Variants in FRMD4A observed in about 807,000 individuals in gnomAD.
FRMD4A encodes the protein FERM domain-containing protein 4A.
A neutral mutation model predicts 129.1 loss-of-function variants in FRMD4A; 29 were observed. That is an observed-to-expected ratio of 0.22 (90% CI 0.17 to 0.31). The LOEUF (loss-of-function observed/expected upper bound fraction) is 0.31, where lower values mean the gene tolerates loss of function less well. FRMD4A is among the 10% of genes least tolerant of loss of function. The probability of loss-of-function intolerance (pLI) is 1.00; values close to 1 mark genes in which losing one functional copy is unlikely to be tolerated. For synonymous variants in FRMD4A, 634 were observed against 571.6 expected, an observed-to-expected ratio of 1.11 and a Z score of -1.56; for missense variants, 1,272 against 1,375.8, an observed-to-expected ratio of 0.92 and a Z score of 1.19.
At chr10:13,936,800 T>G (rs2095252588) in intron 2 of FRMD4A, among the ~76,000 whole-genome samples, 1 of 152,222 alleles carries the variant, frequency 6.6e-6, no homozygotes, top group South Asian at 2.1e-4. Context: ...ATGCTTGGGT[T>G]GCTTTGTGTC....
intron 3 of FRMD4A, among the ~76,000 whole-genome samples, chr10:13,833,369 A>G (rs1043825585): frequency 6.6e-6 from 1 of 152,226 alleles, no homozygotes; most frequent in Non-Finnish European, 1.5e-5. Context: ...CCATGAGAAC[A>G]GTATGGGGGA....
At chr10:13,707,359 GTTCTT>G (rs2087565276) in intron 12 of FRMD4A, 4 of 1,206,966 alleles carry the variant, frequency 3.3e-6, no homozygotes, top group Non-Finnish European at 2.1e-6. Flanking sequence ...AACAAAACAA[GTTCTT>G]TTCAAGTTCT....
At chr10:13,916,964 G>A (rs2698115) in intron 2 of FRMD4A, among the ~76,000 whole-genome samples, 120,333 of 152,206 alleles carry the variant, frequency 0.79, 47,771 homozygotes, top group East Asian at 0.92. Flanking sequence ...AATCTGCTTT[G>A]AGGTTTTATA....
rs182133053 is a variant in FRMD4A, at chr10:13,839,159, C to G, written c.111+19688G>C. Reference sequence around the variant, plus strand: ...TACAGGTGCATGCCACCACACCTAGCTAATTAAAATTTTTGTTTGTTTGTT... The same window carrying G: ...TACAGGTGCATGCCACCACACCTAGGTAATTAAAATTTTTGTTTGTTTGTT... On this transcript the variant is annotated intron_variant, in intron 3 of 24. Coordinates refer to ENST00000357447, the MANE Select transcript of FRMD4A (RefSeq NM_018027.5). 8.8e-4 allele frequency among the ~76,000 whole-genome samples: 134 copies of G among 152,004 alleles called. 1 individual carries two copies. The highest frequency in any genetic ancestry group is 3.1e-3 in the African/African-American group (129 of 41,452).
Position 14,058,787 on chromosome 10 carries a change from G to C in FRMD4A, c.46-199875C>G, listed in dbSNP as rs574646422. Among the ~76,000 whole-genome samples the C allele has an allele frequency of 2.0e-5, 3 of 152,272 alleles. No homozygotes were observed. The South Asian group carries it at 6.2e-4, about 32-fold the overall frequency. On this transcript the variant is annotated intron_variant, in intron 2 of 24. Transcript: ENST00000357447. ...CCGGTGACTACAGGGTCTCCAAAGA[G>C]CTGATTGGCTGGGCATGATTACACA...
intron 2 of FRMD4A, among the ~76,000 whole-genome samples, chr10:14,084,410 G>A (rs1301799302): frequency 6.6e-6 from 1 of 152,216 alleles, no homozygotes; most frequent in Non-Finnish European, 1.5e-5. Context: ...GCCCCCCAAA[G>A]TGCTGGGATT....
chr10:14,033,906 A>G (rs1376280530), intron 2 of FRMD4A, among the ~76,000 whole-genome samples: 2 of 152,132 alleles, frequency 1.3e-5, no homozygotes, highest in Non-Finnish European at 2.9e-5. Context: ...GACACCATGG[A>G]ATGCTACACA....
chr10:14,265,707 A>T (rs1273438754), intron 2 of FRMD4A, among the ~76,000 whole-genome samples: 2 of 152,350 alleles, frequency 1.3e-5, no homozygotes, highest in East Asian at 3.9e-4. Context: ...GTTCTAGGTC[A>T]TAGGATGCAG....
chr10:13,666,291 G>A lies in FRMD4A; in HGVS notation c.1409C>T (p.Ala470Val). 2 of 1,613,978 alleles carry A rather than the reference G, an allele frequency of 1.2e-6. No homozygotes were observed. The highest frequency in any genetic ancestry group is 2.7e-5 in the African/African-American group (2 of 75,026). Residue 470 changes from alanine (A) to valine (V), a missense_variant, in exon 18 of 25, where the codon GCC becomes GTC. By Grantham distance (64) the Ala-to-Val change is moderately conservative. Around this residue, in one of 2 missense-constraint regions of FRMD4A, gnomAD observed 972 missense variants for 892.3 expected, o/e 1.09. Coordinates refer to ENST00000357447, the MANE Select transcript of FRMD4A (RefSeq NM_018027.5). ...GGCCTCCGTAATCTGGGACTGAATG[G>A]CAAACTCTCGTTCCAGGCGTTCCAG... Reference protein sequence around the residue: ...AELERLEREFAIQSQITEAAR... With the variant: ...AELERLEREFVIQSQITEAAR...
At chr10:14,150,292 C>T (rs995645182) in intron 2 of FRMD4A, among the ~76,000 whole-genome samples, 4 of 152,170 alleles carry the variant, frequency 2.6e-5, no homozygotes, top group African/African-American at 4.8e-5. Flanking sequence ...CAGAGAAGTG[C>T]ATATTTCATA....
chr10:14,112,640 C>G (rs994788719), intron 2 of FRMD4A, among the ~76,000 whole-genome samples: 1 of 152,176 alleles, frequency 6.6e-6, no homozygotes, highest in Non-Finnish European at 1.5e-5. Flanking sequence ...ATTCTCCTGC[C>G]TCAGCCTCCA....
intron 3 of FRMD4A, among the ~76,000 whole-genome samples, chr10:13,815,075 C>A (rs2093519669): frequency 6.6e-6 from 1 of 152,104 alleles, no homozygotes; most frequent in Non-Finnish European, 1.5e-5. Context: ...GGATATGTCC[C>A]TCATATATGA....
chr10:14,257,453 A>T (rs916603705), intron 2 of FRMD4A, among the ~76,000 whole-genome samples: 1 of 152,240 alleles, frequency 6.6e-6, no homozygotes, highest in African/African-American at 2.4e-5. Context: ...TAAGCTATGT[A>T]TATGGTCAGT....
intron 2 of FRMD4A, among the ~76,000 whole-genome samples, chr10:14,160,902 CA>C (rs1840850032): frequency 6.6e-6 from 1 of 152,160 alleles, no homozygotes; most frequent in African/African-American, 2.4e-5. Flanking sequence ...GGAATTCACA[CA>C]CTGTTGGTAG....
intron 6 of FRMD4A, among the ~76,000 whole-genome samples, chr10:13,767,650 T>A (rs1215967488): frequency 6.6e-6 from 1 of 152,188 alleles, no homozygotes; most frequent in Non-Finnish European, 1.5e-5. Flanking sequence ...GCTTTCCCCA[T>A]AACTGTAACT....
In FRMD4A at chr10:13,879,884, G is replaced by A. The variant is rs558399604; in HGVS notation, c.46-20972C>T. Among the ~76,000 whole-genome samples, 38 of 150,784 alleles carry A rather than the reference G, an allele frequency of 2.5e-4. 1 individual carries two copies. In the Middle Eastern group the frequency reaches 0.01, roughly 41 times the overall value. ...TGCTCTCAAACTCCTGGCCTCAAGCGATTCTCCTACCTCAGCCTCCCAAGT... is the reference window on the plus strand; with the variant it reads ...TGCTCTCAAACTCCTGGCCTCAAGCAATTCTCCTACCTCAGCCTCCCAAGT... On this transcript the variant is annotated intron_variant, in intron 2 of 24. Coordinates refer to ENST00000357447, the MANE Select transcript of FRMD4A (RefSeq NM_018027.5).
Position 13,660,332 on chromosome 10 carries a change from A to G in FRMD4A, c.1882T>C (p.Ser628Pro). The change falls in exon 20 of 25, where the codon TCT becomes CCT. Residue 628 changes from serine to proline, a missense_variant. This residue lies in a region of FRMD4A where 972 missense variants were observed against 892.3 expected (regional missense o/e 1.09). Transcript: ENST00000357447. ...EPYEKVKKRS[S>P]HSHSSSHKRF... ...GCAGCTCACCTGGAATGGCTGTGAG[A>G]GGAGCGCTTCTTGACCTTCTCATAG... 1 of 1,611,756 alleles carries G rather than the reference A, an allele frequency of 6.2e-7. No homozygotes were observed.
rs989738478 is a variant in FRMD4A, at chr10:13,737,786, A to C, written c.759+58T>G. On this transcript the variant is annotated intron_variant, in intron 12 of 24. Transcript: ENST00000357447. Reference sequence around the variant, plus strand: ...CGTTAGCATTTTTAAAGTGACTCCTACGCCTGTTCCTCTCTGGATCTGAGA... The same window carrying C: ...CGTTAGCATTTTTAAAGTGACTCCTCCGCCTGTTCCTCTCTGGATCTGAGA... 13 of 934,304 alleles carry C rather than the reference A, an allele frequency of 1.4e-5. No homozygotes were observed. The South Asian group carries it at 1.7e-4, about 12-fold the overall frequency. The allele number at this position is 934,304 out of a possible 1,614,324, so 57.9% of individuals were successfully genotyped here. A position where few individuals can be genotyped will look rare whatever the true frequency, so the allele number is the denominator to read the frequency against.
chr10:14,125,713 T>TCA (rs1409202563), intron 2 of FRMD4A, among the ~76,000 whole-genome samples: 1 of 151,094 alleles, frequency 6.6e-6, no homozygotes, highest in East Asian at 2.0e-4. Flanking sequence ...TCTCTCTCTC[T>TCA]CACACACAGA....
Sources: gnomAD v4.1 joint callset for allele counts (sites outside exome capture counted in the v4.1 genomes callset) on GRCh38, gnomAD v4.1.1 for gene constraint, gnomAD v4.1.1 regional missense constraint, MANE v1.5 for transcripts, NCBI Gene and HGNC (gene_info 2026-07-23, HGNC 2026-07-21) for gene names.